Variants in MIPOL1 observed in about 807,000 individuals in gnomAD.
The protein encoded by MIPOL1 is mirror-image polydactyly 1, also known as mirror-image polydactyly gene 1 protein.
MIPOL1 carries 57 observed loss-of-function variants against 60.9 expected under a neutral mutation model. That is an observed-to-expected ratio of 0.94 (90% CI 0.76 to 1.17). MIPOL1 has a LOEUF of 1.17. MIPOL1 is among the 50% of genes most tolerant of loss of function. The probability of loss-of-function intolerance (pLI) is 0.00; values close to 1 mark genes in which losing one functional copy is unlikely to be tolerated. For synonymous variants in MIPOL1, 179 were observed against 168.8 expected, an observed-to-expected ratio of 1.06 and a Z score of -0.47; for missense variants, 551 against 511.6, an observed-to-expected ratio of 1.08 and a Z score of -0.74.
Position 37,384,779 on chromosome 14 carries a change from T to C in MIPOL1, c.936+15155T>C, listed in dbSNP as rs2093021173. 2.6e-5 allele frequency among the ~76,000 whole-genome samples: 4 copies of C among 152,134 alleles called. No homozygotes were observed. In the South Asian group the frequency reaches 6.2e-4, roughly 24 times the overall value. On this transcript the variant is annotated intron_variant, in intron 10 of 12. Coordinates refer to ENST00000684589, the MANE Select transcript of MIPOL1 (RefSeq NM_001388067.1). ...ACTAGTTAGGTTGTAACTTATCAAT[T>C]CCTAATGAATTTTATCCCTGTTTTT...
At chr14:37,279,712 G>A (rs2083949562) in intron 6 of MIPOL1, among the ~76,000 whole-genome samples, 2 of 151,932 alleles carry the variant, frequency 1.3e-5, no homozygotes, top group Admixed American at 6.6e-5. Context: ...TGATGTTTCA[G>A]TACATGTACA....
At chr14:37,354,017 C>A (rs1170435138) in intron 9 of MIPOL1, among the ~76,000 whole-genome samples, 1 of 151,386 alleles carries the variant, frequency 6.6e-6, no homozygotes, top group Non-Finnish European at 1.5e-5. Flanking sequence ...AATTTTGGAT[C>A]TTTCCTGCTT....
chr14:37,305,877 A>C (rs2086742838), intron 7 of MIPOL1, among the ~76,000 whole-genome samples: 1 of 151,874 alleles, frequency 6.6e-6, no homozygotes, highest in Non-Finnish European at 1.5e-5. Context: ...GACTTAGCTC[A>C]CTTACGTCCT....
At chr14:37,499,060 T>C (rs1289670871) in intron 11 of MIPOL1, among the ~76,000 whole-genome samples, 1 of 152,144 alleles carries the variant, frequency 6.6e-6, no homozygotes, top group Non-Finnish European at 1.5e-5. Context: ...AAATGATATT[T>C]AATAAAAAAG....
downstream of MIPOL1, chr14:37,551,918 ATAG>A (rs1256366931): frequency 6.7e-6 from 1 of 148,442 alleles, no homozygotes. Context: ...AATAATAATA[ATAG>A]ACTGACTCAA....
At chr14:37,251,881 G>A (rs562146119) in intron 3 of MIPOL1, among the ~76,000 whole-genome samples, 1 of 151,908 alleles carries the variant, frequency 6.6e-6, no homozygotes, top group South Asian at 2.1e-4. Flanking sequence ...TTGCAATTTT[G>A]TAGGTAAAAA....
intron 11 of MIPOL1, among the ~76,000 whole-genome samples, chr14:37,463,024 A>G (rs752165758): frequency 2.0e-5 from 3 of 152,158 alleles, no homozygotes; most frequent in Non-Finnish European, 4.4e-5. Flanking sequence ...AAATTACTGT[A>G]TTAGTCTGTT....
chr14:37,237,054 A>C (rs1011542319), intron 1 of MIPOL1, among the ~76,000 whole-genome samples: 1 of 151,842 alleles, frequency 6.6e-6, no homozygotes, highest in Admixed American at 6.6e-5. Context: ...ATTTCCCAGA[A>C]AGTCTTGCTC....
chr14:37,275,798 T>C (rs2083614908), intron 6 of MIPOL1, among the ~76,000 whole-genome samples: 1 of 151,218 alleles, frequency 6.6e-6, no homozygotes, highest in South Asian at 2.1e-4. Context: ...CTTTATATGT[T>C]AGTTATTTTT....
chr14:37,465,343 T>C (rs1010771145), intron 11 of MIPOL1, among the ~76,000 whole-genome samples: 2 of 152,164 alleles, frequency 1.3e-5, no homozygotes, highest in African/African-American at 4.8e-5. Flanking sequence ...AACAGCATCT[T>C]AAAAACTAAC....
chr14:37,486,310 G>A (rs919833452), intron 11 of MIPOL1, among the ~76,000 whole-genome samples: 2 of 152,110 alleles, frequency 1.3e-5, no homozygotes, highest in African/African-American at 4.8e-5. Flanking sequence ...GATTGTCTTG[G>A]CAATGCAGAT....
chr14:37,524,367 T>A (rs1485039383), intron 12 of MIPOL1, among the ~76,000 whole-genome samples: 1 of 152,046 alleles, frequency 6.6e-6, no homozygotes, highest in African/African-American at 2.4e-5. Context: ...TACAGGGTGT[T>A]GAGGAGAGTT....
At position 37,547,187 on chromosome 14, in the gene MIPOL1, T is replaced by A. The variant is rs2095550604; in HGVS notation, c.*216T>A. ...ATCCAAATATATTAACTATAGACTT[T>A]TACCAATGGGTAGCTATAAGGTTAC... On this transcript the variant is annotated 3_prime_UTR_variant, in exon 13 of 13. Coordinates refer to ENST00000684589, the MANE Select transcript of MIPOL1 (RefSeq NM_001388067.1). 1 of 507,664 alleles carries A rather than the reference T, an allele frequency of 2.0e-6. No individual in the cohort carries two copies. 31.4% of individuals were successfully genotyped at this position (507,664 alleles called of 1,614,324 possible). A position where few individuals can be genotyped will look rare whatever the true frequency, so the allele number is the denominator to read the frequency against.
chr14:37,240,330 T>C (rs1322979863), intron 1 of MIPOL1: 1 of 152,228 alleles, frequency 6.6e-6, no homozygotes, highest in Non-Finnish European at 1.5e-5. Flanking sequence ...AACTTTATTT[T>C]TGAAAGACAT....
At chr14:37,418,192 TAA>T (rs2093805981) in intron 10 of MIPOL1, among the ~76,000 whole-genome samples, 1 of 152,228 alleles carries the variant, frequency 6.6e-6, no homozygotes, top group East Asian at 1.9e-4. Flanking sequence ...AAAACACATT[TAA>T]ACCAAACATA....
chr14:37,400,522 A>G (rs1006267492), intron 10 of MIPOL1: 5 of 152,160 alleles, frequency 3.3e-5, no homozygotes, highest in African/African-American at 1.2e-4. Context: ...AGCCTAGTTG[A>G]CCATTCTGTG....
chr14:37,208,183 T>C (rs559647782), intron 1 of MIPOL1, among the ~76,000 whole-genome samples: 7 of 152,328 alleles, frequency 4.6e-5, no homozygotes, highest in African/African-American at 1.7e-4. Context: ...AGTTCTGTGT[T>C]AGGATGGTTT....
At chr14:37,266,771 A>G (rs941747493) in intron 3 of MIPOL1, among the ~76,000 whole-genome samples, 167 bp from the exon 4 acceptor site, 1 of 152,210 alleles carries the variant, frequency 6.6e-6, no homozygotes, top group African/African-American at 2.4e-5. Context: ...CAAATTTACC[A>G]TTATCTACAA....
At chr14:37,541,926 GTC>G (rs2095531314) in intron 12 of MIPOL1, among the ~76,000 whole-genome samples, 1 of 152,044 alleles carries the variant, frequency 6.6e-6, no homozygotes, top group Non-Finnish European at 1.5e-5. Context: ...CTTTCCCATA[GTC>G]TATCAACACA....
Sources: gnomAD v4.1 joint callset for allele counts (sites outside exome capture counted in the v4.1 genomes callset) on GRCh38, gnomAD v4.1.1 for gene constraint, MANE v1.5 for transcripts, NCBI Gene and HGNC (gene_info 2026-07-23, HGNC 2026-07-21) for gene names.